NRXN3: variants seen among roughly 807,000 people sequenced by gnomAD.
NRXN3 encodes neurexin III.
In NRXN3, 32 loss-of-function variants were observed where a neutral mutation model predicts 137.6. The ratio of observed to expected loss-of-function variants is 0.23; its 90% CI spans 0.18 to 0.31. NRXN3 has a LOEUF of 0.31. Among genes scored for constraint, NRXN3 ranks in the 10% least tolerant of loss-of-function variants. The probability of loss-of-function intolerance (pLI) is 1.00; values close to 1 mark genes in which losing one functional copy is unlikely to be tolerated. For missense variants in NRXN3, 1,574 were observed against 2,062.5 expected (o/e 0.76, Z 4.59); for synonymous variants, 798 against 784.5 (o/e 1.02, Z -0.29).
At chr14:78,726,065 A>G (rs2098481914) in intron 8 of NRXN3, among the ~76,000 whole-genome samples, 1 of 152,190 alleles carries the variant, frequency 6.6e-6, no homozygotes. Flanking sequence ...TACTACTCTC[A>G]GTAACAAGGA....
Position 78,583,776 on chromosome 14 carries a change from G to A in NRXN3, c.758-61344G>A, listed in dbSNP as rs114939491. Among the ~76,000 whole-genome samples, 942 of 152,260 alleles carry A rather than the reference G, an allele frequency of 6.2e-3. 13 individuals carry two copies. The highest frequency in any genetic ancestry group is 0.022 in the African/African-American group (895 of 41,550). ...TCAAAGCAGCATGATTCCATCCCCA[G>A]CTTGCCCTGCTTGTTGAAAATCACT... On this transcript the variant is annotated intron_variant, in intron 4 of 20. Transcript: ENST00000335750.
chr14:79,322,256 T>A (rs1025360225), intron 15 of NRXN3, among the ~76,000 whole-genome samples: 7 of 152,236 alleles, frequency 4.6e-5, no homozygotes, highest in Admixed American at 1.3e-4. Context: ...ATCCTTCATG[T>A]GGCTTTGGTA....
chr14:79,140,573 CTGTGTGTGTGTGTGTG>C (rs3035591), intron 15 of NRXN3, among the ~76,000 whole-genome samples: 2 of 143,834 alleles, frequency 1.4e-5, no homozygotes, highest in Non-Finnish European at 1.5e-5. Context: ...CCCCACCTCA[CTGTGTGTGTGTGTGTG>C]TGTGTGTGTG....
At chr14:78,752,340 C>T (rs1301814130) in intron 8 of NRXN3, among the ~76,000 whole-genome samples, 2 of 152,206 alleles carry the variant, frequency 1.3e-5, no homozygotes, top group Non-Finnish European at 2.9e-5. Flanking sequence ...CACTTGAACC[C>T]AGGAGGCGGA....
At chr14:78,936,991 T>G (rs1291789355) in intron 10 of NRXN3, among the ~76,000 whole-genome samples, 2 of 151,326 alleles carry the variant, frequency 1.3e-5, no homozygotes, top group African/African-American at 4.9e-5. Context: ...GAGGCTGAGG[T>G]GGGTGGATGA....
At chr14:79,470,949 AGAGTGTGT>A (rs1435968962) in intron 16 of NRXN3, among the ~76,000 whole-genome samples, 914 of 57,272 alleles carry the variant, frequency 0.016, 12 homozygotes, top group African/African-American at 0.033. Flanking sequence ...AAAGAGAGAG[AGAGTGTGT>A]GTGTGTGTGT....
intron 19 of NRXN3, among the ~76,000 whole-genome samples, chr14:79,754,332 A>G (rs2099009995): frequency 6.6e-6 from 1 of 151,676 alleles, no homozygotes; most frequent in Admixed American, 6.6e-5. Flanking sequence ...CGACAGAGCG[A>G]GACTCCATCT....
chr14:78,810,283 G>A (rs1158359572), intron 9 of NRXN3, 35 bp from the exon 10 acceptor site: 1 of 1,409,224 alleles, frequency 7.1e-7, no homozygotes, highest in Non-Finnish European at 9.8e-7. Context: ...CTTGAAGGAT[G>A]CAATTTCATC....
chr14:79,442,917 G>T (rs1189688146), intron 15 of NRXN3, among the ~76,000 whole-genome samples: 1 of 152,204 alleles, frequency 6.6e-6, no homozygotes, highest in African/African-American at 2.4e-5. Flanking sequence ...ATTTCCCAGT[G>T]AAGTTTAGTG....
chr14:78,978,493 A>G (rs1360252570), intron 14 of NRXN3, among the ~76,000 whole-genome samples: 4 of 152,006 alleles, frequency 2.6e-5, no homozygotes, highest in Non-Finnish European at 5.9e-5. Context: ...AATAGATCTT[A>G]TGTTGTCTGT....
At chr14:78,551,519 C>G (rs1168787352) in intron 4 of NRXN3, among the ~76,000 whole-genome samples, 1 of 151,876 alleles carries the variant, frequency 6.6e-6, no homozygotes, top group Non-Finnish European at 1.5e-5. Flanking sequence ...TCTTCTTTCC[C>G]TTTCTCCCCC....
At chr14:78,259,151 GA>G (rs964606903) in intron 2 of NRXN3, among the ~76,000 whole-genome samples, 5 of 148,756 alleles carry the variant, frequency 3.4e-5, no homozygotes, top group Admixed American at 6.7e-5. Context: ...AAAAAAGAAA[GA>G]AAAAAAGAAA....
chr14:78,662,619 G>C (rs909906091), intron 6 of NRXN3, among the ~76,000 whole-genome samples: 1 of 152,142 alleles, frequency 6.6e-6, no homozygotes, highest in African/African-American at 2.4e-5. Flanking sequence ...TTTATAGATA[G>C]ATCTATAGAT....
chr14:79,758,507 T>G (rs2099027645), intron 19 of NRXN3, among the ~76,000 whole-genome samples: 1 of 152,158 alleles, frequency 6.6e-6, no homozygotes, highest in African/African-American at 2.4e-5. Context: ...CACCAAGCCA[T>G]TCATGCGGGA....
At chr14:79,352,724 C>G (rs2093269301) in intron 15 of NRXN3, among the ~76,000 whole-genome samples, 1 of 152,108 alleles carries the variant, frequency 6.6e-6, no homozygotes, top group African/African-American at 2.4e-5. Context: ...GATCCATGAA[C>G]TCTTCTAAGT....
At chr14:79,462,001 T>G (rs1216004969) in intron 15 of NRXN3, among the ~76,000 whole-genome samples, 2 of 152,308 alleles carry the variant, frequency 1.3e-5, no homozygotes, top group East Asian at 3.9e-4. Context: ...CACATAATTG[T>G]TATACTTATT....
chr14:79,303,570 G>A (rs1416880626), intron 15 of NRXN3, among the ~76,000 whole-genome samples: 1 of 152,052 alleles, frequency 6.6e-6, no homozygotes, highest in Admixed American at 6.6e-5. Flanking sequence ...TCATGTCAAA[G>A]ACTGAAGTGA....
chr14:78,834,960 C>T (rs2098992308), intron 10 of NRXN3, among the ~76,000 whole-genome samples: 1 of 152,100 alleles, frequency 6.6e-6, no homozygotes, highest in African/African-American at 2.4e-5. Flanking sequence ...CCAACCCACC[C>T]CCAGTCCATC....
intron 4 of NRXN3, among the ~76,000 whole-genome samples, chr14:78,523,734 A>G (rs548419435): frequency 7.0e-6 from 1 of 143,276 alleles, no homozygotes. Flanking sequence ...GGAGAATGGT[A>G]TGAACCCAGG....
Sources: gnomAD v4.1 joint callset for allele counts (sites outside exome capture counted in the v4.1 genomes callset) on GRCh38, gnomAD v4.1.1 for gene constraint, MANE v1.5 for transcripts, NCBI Gene and HGNC (gene_info 2026-07-23, HGNC 2026-07-21) for gene names.